The following TRMT61A variants were observed in gnomAD, a reference collection of about 807,000 sequenced individuals.
TRMT61A encodes tRNA (adenine(58)-N(1))-methyltransferase catalytic subunit TRMT61A.
Under a neutral mutation model 21.3 loss-of-function variants are expected in TRMT61A, and 15 were observed. The observed-to-expected ratio is 0.70, with a 90% confidence interval of 0.47 to 1.08. TRMT61A has a LOEUF of 1.08. Ranked by LOEUF, TRMT61A falls within the 50% of genes least tolerant of loss-of-function variation. TRMT61A has a pLI of 0.00. For missense variants in TRMT61A, 352 were observed against 426.7 expected (o/e 0.83, Z 1.54); for synonymous variants, 183 against 185.5 (o/e 0.99, Z 0.11).
In TRMT61A at chr14:103,535,181, G is replaced by A. The variant is rs531265857; in HGVS notation, c.*360G>A. On this transcript the variant is annotated 3_prime_UTR_variant, in exon 4 of 4. Coordinates refer to ENST00000389749, the MANE Select transcript of TRMT61A (RefSeq NM_152307.3). ...CAGGAAGGGGGTGGAGGAGGGAGGG[G>A]GGCATTGACCCTGAGACCACGCTGC... 18 of 527,262 alleles carry A rather than the reference G, an allele frequency of 3.4e-5. No individual in the cohort carries two copies. The Middle Eastern group carries it at 1.1e-3, about 34-fold the overall frequency. 32.7% of individuals were successfully genotyped at this position (527,262 alleles called of 1,614,324 possible).
rs1478340677 is a variant in TRMT61A at position 103,534,783 on chromosome 14, A to G, written c.832A>G (p.Thr278Ala). 1 of 1,565,018 alleles carries G rather than the reference A, an allele frequency of 6.4e-7. No homozygotes were observed. The highest frequency in any genetic ancestry group is 1.3e-5 in the African/African-American group (1 of 74,244). Residue 278 changes from threonine (T) to alanine (A), a missense_variant, in exon 4 of 4, where the codon ACC becomes GCC. Physicochemically the swap from Thr to Ala is moderately conservative, Grantham distance 58. Coordinates refer to ENST00000389749, the MANE Select transcript of TRMT61A (RefSeq NM_152307.3). ...GCCCATGAAGGAGGCCGTGGGCCACACCGGCTACCTGACCTTCGCCACCAA... is the reference window on the plus strand; with the variant it reads ...GCCCATGAAGGAGGCCGTGGGCCACGCCGGCTACCTGACCTTCGCCACCAA... The part of the protein sequence containing the change: ...GTPMKEAVGH[T>A]GYLTFATKTP...
rs947912496 is a variant in TRMT61A at position 103,535,943 on chromosome 14, G to T, written c.*1122G>T. 6.5e-6 allele frequency: 1 copy of T among 153,492 alleles called. No homozygotes were observed. Among genetic ancestry groups the T allele is most frequent in the Non-Finnish European group, 1.4e-5 (1 of 69,108 alleles). The allele number at this position is 153,492 out of a possible 1,614,324, so 9.5% of individuals were successfully genotyped here. On this transcript the variant is annotated 3_prime_UTR_variant, in exon 4 of 4. Coordinates refer to ENST00000389749, the MANE Select transcript of TRMT61A (RefSeq NM_152307.3). Reference sequence around the variant, plus strand: ...GTTTCTGCCCAGGCAGCCAGTGGCTGTTGGGAGCCTCTGTTTCCCCTGTGC... The same window carrying T: ...GTTTCTGCCCAGGCAGCCAGTGGCTTTTGGGAGCCTCTGTTTCCCCTGTGC...
intron 3 of TRMT61A, among the ~76,000 whole-genome samples, chr14:103,533,540 C>T (rs1280954459): frequency 6.6e-6 from 1 of 152,166 alleles, no homozygotes. Flanking sequence ...TGGGGATCTC[C>T]ACACCCTGCC....
chr14:103,533,012 C>T (rs2075960109), intron 3 of TRMT61A, among the ~76,000 whole-genome samples, 164 bp downstream of exon 3: 1 of 152,226 alleles, frequency 6.6e-6, no homozygotes, highest in Admixed American at 6.5e-5. Context: ...GTCAGGCTGG[C>T]CAGGGGAGGC....
At position 103,535,837 on chromosome 14, in the gene TRMT61A, G is replaced by A. The variant is rs2075972210; in HGVS notation, c.*1016G>A. The A allele has an allele frequency of 6.5e-6, 1 of 154,958 alleles. No homozygotes were observed. The highest frequency in any genetic ancestry group is 2.4e-5 in the African/African-American group (1 of 41,470). The allele number at this position is 154,958 out of a possible 1,614,324, so 9.6% of individuals were successfully genotyped here. On this transcript the variant is annotated 3_prime_UTR_variant, in exon 4 of 4. Coordinates refer to ENST00000389749, the MANE Select transcript of TRMT61A (RefSeq NM_152307.3). ...GGGGGCTCTCCTCGCCCGCCCTGGT[G>A]TCTGACAGCCTCAAGGAAGGAGCAG...
intron 2 of TRMT61A, among the ~76,000 whole-genome samples, chr14:103,532,379 C>T (rs879060642): frequency 1.3e-5 from 2 of 152,202 alleles, no homozygotes; most frequent in South Asian, 4.1e-4. Flanking sequence ...CAGCTCACCC[C>T]TAGACAGGGT....
In TRMT61A at chr14:103,534,769, A is replaced by G. The variant is rs1467281832; in HGVS notation, c.818A>G (p.Glu273Gly). ...SPFRSGTPMK[E>G]AVGHTGYLTF... is the part of the protein sequence containing the mutation. Reference sequence around the variant, plus strand: ...TTCCGCAGCGGCACGCCCATGAAGGAGGCCGTGGGCCACACCGGCTACCTG... The same window carrying G: ...TTCCGCAGCGGCACGCCCATGAAGGGGGCCGTGGGCCACACCGGCTACCTG... The change falls in exon 4 of 4, where the codon GAG becomes GGG. Residue 273 changes from glutamate to glycine, a missense_variant. Physicochemically the swap from Glu to Gly is moderately conservative, Grantham distance 98 (BLOSUM62 -2). Coordinates refer to ENST00000389749, the MANE Select transcript of TRMT61A (RefSeq NM_152307.3). The G allele has an allele frequency of 6.3e-7, 1 of 1,576,510 alleles. No individual in the cohort carries two copies. The highest frequency in any genetic ancestry group is 2.3e-5 in the East Asian group (1 of 43,506).
At chr14:103,533,615 G>A (rs1371061906) in intron 3 of TRMT61A, among the ~76,000 whole-genome samples, 1 of 152,136 alleles carries the variant, frequency 6.6e-6, no homozygotes, top group Non-Finnish European at 1.5e-5. Context: ...GGCTGAACCC[G>A]GCAGAGCCTC....
chr14:103,534,803 C>T lies in TRMT61A; in HGVS notation c.852C>T (p.Ala284=). 1 of 1,554,380 alleles carries T rather than the reference C, an allele frequency of 6.4e-7. No homozygotes were observed. The highest frequency in any genetic ancestry group is 8.7e-7 in the Non-Finnish European group (1 of 1,152,934). Residue 284 remains alanine, a synonymous_variant, in exon 4 of 4, where the codon GCC becomes GCT. Transcript: ENST00000389749. Reference sequence around the variant, plus strand: ...GCCACACCGGCTACCTGACCTTCGCCACCAAGACCCCAGGCTAGGGGGCCG... The same window carrying T: ...GCCACACCGGCTACCTGACCTTCGCTACCAAGACCCCAGGCTAGGGGGCCG... ...AVGHTGYLTF[A]TKTPG is the part of the protein sequence containing the mutation.
At position 103,530,155 on chromosome 14, in the gene TRMT61A, G is replaced by A. The variant is rs745704906; in HGVS notation, c.177G>A (p.Thr59=). ...LIGRPFGSKV[T]CGRGGWVYVL... is the part of the protein sequence containing the mutation. ...GCCGCCCCTTCGGCTCCAAGGTGACGTGCGGCCGAGGTGGCTGGGTGTATG... is the reference window on the plus strand; with the variant it reads ...GCCGCCCCTTCGGCTCCAAGGTGACATGCGGCCGAGGTGGCTGGGTGTATG... The change falls in exon 2 of 4, where the codon ACG becomes ACA. Residue 59 remains threonine, a synonymous_variant. Transcript: ENST00000389749. 3 of 1,612,638 alleles carry A rather than the reference G, an allele frequency of 1.9e-6. No individual in the cohort carries two copies. Among genetic ancestry groups the A allele is most frequent in the African/African-American group, 2.7e-5 (2 of 74,950 alleles).
rs1198598518 is a variant in TRMT61A at position 103,535,816 on chromosome 14, G to C, written c.*995G>C. On this transcript the variant is annotated 3_prime_UTR_variant, in exon 4 of 4. Coordinates refer to ENST00000389749, the MANE Select transcript of TRMT61A (RefSeq NM_152307.3). Reference sequence around the variant, plus strand: ...AGAGGGCAGGACGCCCAGGCTGGGGGCTCTCCTCGCCCGCCCTGGTGTCTG... The same window carrying C: ...AGAGGGCAGGACGCCCAGGCTGGGGCCTCTCCTCGCCCGCCCTGGTGTCTG... 6.4e-6 allele frequency: 1 copy of C among 155,222 alleles called. No individual in the cohort carries two copies. The highest frequency in any genetic ancestry group is 1.9e-4 in the East Asian group (1 of 5,234). 9.6% of individuals were successfully genotyped at this position (155,222 alleles called of 1,614,324 possible). A position where few individuals can be genotyped will look rare whatever the true frequency, so the allele number is the denominator to read the frequency against.
chr14:103,531,250 G>A lies in TRMT61A; in HGVS notation c.331+941G>A, dbSNP rs2075953115. Among the ~76,000 whole-genome samples the A allele has an allele frequency of 2.6e-5, 4 of 152,326 alleles. No homozygotes were observed. In the South Asian group the frequency reaches 6.2e-4, roughly 24 times the overall value. On this transcript the variant is annotated intron_variant, in intron 2 of 3. Coordinates refer to ENST00000389749, the MANE Select transcript of TRMT61A (RefSeq NM_152307.3). This position sits in a 1 kb window ranked among gnomAD's most constrained non-coding sequence, Gnocchi z 5.1. ...CAGCCTAGGTGAGCATCTCAGTGCC[G>A]CTGGTTGCTGTGAAGCCTGTGAGAC...
Position 103,535,154 on chromosome 14 carries a change from A to G in TRMT61A, c.*333A>G, listed in dbSNP as rs2075969212. ...TCTGACCCCCTCCCAGGTGGGCCTAAGCAGGAAGGGGGTGGAGGAGGGAGG... is the reference window on the plus strand; with the variant it reads ...TCTGACCCCCTCCCAGGTGGGCCTAGGCAGGAAGGGGGTGGAGGAGGGAGG... On this transcript the variant is annotated 3_prime_UTR_variant, in exon 4 of 4. Transcript: ENST00000389749. 1 of 577,328 alleles carries G rather than the reference A, an allele frequency of 1.7e-6. No individual in the cohort carries two copies. The highest frequency in any genetic ancestry group is 3.9e-5 in the East Asian group (1 of 25,652). 35.8% of individuals were successfully genotyped at this position (577,328 alleles called of 1,614,324 possible).
chr14:103,530,460 G>C (rs767864589), intron 2 of TRMT61A, 151 bp downstream of exon 2: 2 of 742,444 alleles, frequency 2.7e-6, no homozygotes, highest in Non-Finnish European at 4.3e-6. Context: ...AGTGAAGGTG[G>C]AGGCAGAGAA....
chr14:103,531,586 G>A lies in TRMT61A; in HGVS notation c.332-996G>A, dbSNP rs1238025281. On this transcript the variant is annotated intron_variant, in intron 2 of 3. Coordinates refer to ENST00000389749, the MANE Select transcript of TRMT61A (RefSeq NM_152307.3). The surrounding 1 kb of genome is among the most constrained non-coding windows in gnomAD (Gnocchi z 5.1). ...GGGGCATGGCCAGGCTTTGCAGAGG[G>A]GCGAGGCAGCAGGCTGGGGGCACCC... Among the ~76,000 whole-genome samples, 1 of 152,172 alleles carries A rather than the reference G, an allele frequency of 6.6e-6. No homozygotes were observed. Among genetic ancestry groups the A allele is most frequent in the East Asian group, 1.9e-4 (1 of 5,190 alleles).
In TRMT61A at chr14:103,535,223, CCCACGGCCCTGGCTGCCCCACGGGGCCT is replaced by C. The variant is rs1277720318; in HGVS notation, c.*403_*430del. On this transcript the variant is annotated 3_prime_UTR_variant, in exon 4 of 4. Transcript: ENST00000389749. ...CCACGCTGCGTCTGACCCCTGGGCC[CCCACGGCCCTGGCTGCCCCACGGGGCCT>C]GAGACCATCTCGTGCTTCTCCAGTC... The C allele has an allele frequency of 6.4e-6, 3 of 472,298 alleles. No individual in the cohort carries two copies. The highest frequency in any genetic ancestry group is 8.4e-6 in the Non-Finnish European group (2 of 238,268). 29.3% of individuals were successfully genotyped at this position (472,298 alleles called of 1,614,324 possible).
rs1397750698 is a variant in TRMT61A, at chr14:103,535,635, C to A, written c.*814C>A. 6.2e-6 allele frequency: 2 copies of A among 320,228 alleles called. No homozygotes were observed. Among genetic ancestry groups the A allele is most frequent in the Non-Finnish European group, 6.2e-6 (1 of 161,268 alleles). 19.8% of individuals were successfully genotyped at this position (320,228 alleles called of 1,614,324 possible). On this transcript the variant is annotated 3_prime_UTR_variant, in exon 4 of 4. Coordinates refer to ENST00000389749, the MANE Select transcript of TRMT61A (RefSeq NM_152307.3). The stretch of plus-strand genomic sequence containing the variant: ...GTGAGTCCCGGAACTATGTGGGTAC[C>A]CCTACCCCTCACAGAAGCCAAGGGC...
chr14:103,534,761 C>T lies in TRMT61A; in HGVS notation c.810C>T (p.Pro270=). 1 of 1,583,844 alleles carries T rather than the reference C, an allele frequency of 6.3e-7. No individual in the cohort carries two copies. Among genetic ancestry groups the T allele is most frequent in the Admixed American group, 1.7e-5 (1 of 57,366 alleles). Residue 270 remains proline (P), a synonymous_variant, in exon 4 of 4, where the codon CCC becomes CCT. Coordinates refer to ENST00000389749, the MANE Select transcript of TRMT61A (RefSeq NM_152307.3). ...CCAGCCCCTTCCGCAGCGGCACGCC[C>T]ATGAAGGAGGCCGTGGGCCACACCG... ...SDTSPFRSGT[P]MKEAVGHTGY... is the part of the protein sequence containing the mutation.
In TRMT61A at chr14:103,536,604, G is replaced by A. The variant is rs2142243135; in HGVS notation, c.*1783G>A. The A allele has an allele frequency of 6.6e-6, 1 of 152,386 alleles. No homozygotes were observed. The highest frequency in any genetic ancestry group is 1.5e-5 in the Non-Finnish European group (1 of 68,080). 9.4% of individuals were successfully genotyped at this position (152,386 alleles called of 1,614,324 possible). On this transcript the variant is annotated 3_prime_UTR_variant, in exon 4 of 4. Coordinates refer to ENST00000389749, the MANE Select transcript of TRMT61A (RefSeq NM_152307.3). Reference sequence around the variant, plus strand: ...CTGTCCCTGGGGTGTCATGAACTGGGTGACGCACACCCCTGAGATCTCAGT... The same window carrying A: ...CTGTCCCTGGGGTGTCATGAACTGGATGACGCACACCCCTGAGATCTCAGT...
Sources: gnomAD v4.1 joint callset for allele counts (sites outside exome capture counted in the v4.1 genomes callset) on GRCh38, gnomAD v4.1.1 for gene constraint, Gnocchi (gnomAD v3.1) non-coding constraint, MANE v1.5 for transcripts, NCBI Gene and HGNC (gene_info 2026-07-23, HGNC 2026-07-21) for gene names.